The following SYNE2 variants were observed in gnomAD, a reference collection of about 807,000 sequenced individuals.
SYNE2 encodes the protein nesprin-2.
In SYNE2, 431 loss-of-function variants were observed where a neutral mutation model predicts 856.3. The observed-to-expected ratio is 0.50, with a 90% CI of 0.47 to 0.55. The LOEUF (loss-of-function observed/expected upper bound fraction) is 0.55. SYNE2 is among the 20% of genes least tolerant of loss of function. The pLI, the probability that SYNE2 is intolerant of heterozygous loss-of-function variation, is 0.00. For missense variants in SYNE2, 8,129 were observed against 8,023.2 expected (o/e 1.01, Z -0.50); for synonymous variants, 2,923 against 2,872.3 (o/e 1.02, Z -0.56).
rs1251755930 is a variant in SYNE2 at position 64,221,643 on chromosome 14, C to T, written c.20129C>T (p.Ala6710Val). 2 of 1,614,176 alleles carry T rather than the reference C, an allele frequency of 1.2e-6. No individual in the cohort carries two copies. The change falls in exon 112 of 116, where the codon GCT (alanine) becomes GTT (valine). Residue 6710 changes from alanine to valine, a missense_variant. Ala to Val is a moderately conservative substitution (Grantham distance 64). Transcript: ENST00000555002. Reference sequence around the variant, plus strand: ...AGTGCCAAGAACCGGAGGCAGAAGGCTCATGTCACCGATCCAAAGGCAGAC... The same window carrying T: ...AGTGCCAAGAACCGGAGGCAGAAGGTTCATGTCACCGATCCAAAGGCAGAC... Reference protein sequence around the residue: ...LASAKNRRQKAHVTDPKADPR... With the variant: ...LASAKNRRQKVHVTDPKADPR...
upstream of SYNE2, among the ~76,000 whole-genome samples, chr14:63,850,343 C>G (rs960761886): frequency 1.3e-5 from 2 of 151,496 alleles, no homozygotes; most frequent in Non-Finnish European, 2.9e-5. Context: ...CTGCCTCAGC[C>G]GCCCAAAGTG....
In SYNE2 at chr14:64,052,439, A is replaced by G. The variant is rs1368899557; in HGVS notation, c.8526A>G (p.Ile2842Met). The G allele has an allele frequency of 1.2e-6, 2 of 1,613,026 alleles. No individual in the cohort carries two copies. Among genetic ancestry groups the G allele is most frequent in the South Asian group, 1.1e-5 (1 of 90,896 alleles). ...AAGAAAGAAGCAATTTTTTTGCTAT[A>G]ATAAGGAAGTTTCAACTTATGGTTC... ...KLEERSNFFA[I>M]IRKFQLMVQE... is the part of the protein sequence containing the mutation. The change falls in exon 48 of 116, where the codon ATA becomes ATG. Residue 2842 changes from isoleucine (I) to methionine (M), a missense_variant. Around this residue, in one of 3 missense-constraint regions of SYNE2, gnomAD observed 5,410 missense variants for 5,284.8 expected, o/e 1.02. Coordinates refer to ENST00000555002, the MANE Select transcript of SYNE2 (RefSeq NM_182914.3).
intron 2 of SYNE2, among the ~76,000 whole-genome samples, chr14:63,909,557 C>G (rs1042794711): frequency 1.3e-5 from 2 of 152,016 alleles, no homozygotes; most frequent in African/African-American, 4.8e-5. Context: ...AAATGCACAT[C>G]CTTGCCAGGC....
At chr14:63,806,908 T>C (rs2139813615) in intron 1 of SYNE2, among the ~76,000 whole-genome samples, 1 of 151,152 alleles carries the variant, frequency 6.6e-6, no homozygotes, top group South Asian at 2.1e-4. Flanking sequence ...GAATAGAACA[T>C]ATCGCTATGT....
At chr14:63,811,904 A>G (rs1888627254) in intron 1 of SYNE2, among the ~76,000 whole-genome samples, 1 of 152,228 alleles carries the variant, frequency 6.6e-6, no homozygotes, top group Non-Finnish European at 1.5e-5. Flanking sequence ...TCTAAGGCCA[A>G]TAAAGATCAC....
chr14:64,016,352 A>T (rs1180546371), intron 32 of SYNE2, 121 bp from the exon 33 acceptor site: 1 of 660,696 alleles, frequency 1.5e-6, no homozygotes, highest in Non-Finnish European at 2.5e-6. Flanking sequence ...AGAACAATGT[A>T]AGAAGGTATT....
chr14:63,815,948 C>A (rs1425383949), intron 1 of SYNE2, among the ~76,000 whole-genome samples: 1 of 128,924 alleles, frequency 7.8e-6, no homozygotes, highest in African/African-American at 2.9e-5. Context: ...TTAAATTATT[C>A]TTTTTTTTTT....
At chr14:63,903,888 T>G (rs1251367944) in intron 1 of SYNE2, among the ~76,000 whole-genome samples, 1 of 152,006 alleles carries the variant, frequency 6.6e-6, no homozygotes, top group Non-Finnish European at 1.5e-5. Flanking sequence ...AGAGGGCACA[T>G]GTGCAGGTTT....
intron 1 of SYNE2, 40 bp from the exon 2 acceptor site, chr14:63,909,058 T>C: frequency 1.0e-6 from 1 of 974,214 alleles, no homozygotes; most frequent in South Asian, 1.3e-5. Context: ...GAAACAGAGC[T>C]GCAAAGTTAC....
chr14:64,127,536 C>T (rs537751776), intron 73 of SYNE2, among the ~76,000 whole-genome samples: 6 of 152,002 alleles, frequency 3.9e-5, no homozygotes, highest in Admixed American at 1.3e-4. Context: ...AATGGTGGGG[C>T]GGGGGAGGCA....
intron 34 of SYNE2, 67 bp downstream of exon 34, chr14:64,017,823 A>G: frequency 6.7e-7 from 1 of 1,498,008 alleles, no homozygotes; most frequent in Non-Finnish European, 9.3e-7. Context: ...TTTTATGAAT[A>G]TAGTCAACAA....
At chr14:63,875,200 A>G (rs1230853908) in intron 1 of SYNE2, among the ~76,000 whole-genome samples, 1 of 152,148 alleles carries the variant, frequency 6.6e-6, no homozygotes, top group Non-Finnish European at 1.5e-5. Context: ...GGTGTGCATC[A>G]CTTTGCCAAA....
At chr14:64,109,302 G>A (rs1300309265) in intron 65 of SYNE2, among the ~76,000 whole-genome samples, 1 of 151,106 alleles carries the variant, frequency 6.6e-6, no homozygotes, top group African/African-American at 2.4e-5. Flanking sequence ...AGAAAAAGGA[G>A]GATAACAAAA....
At chr14:63,929,210 T>A (rs2095711776) in intron 2 of SYNE2, among the ~76,000 whole-genome samples, 1 of 152,106 alleles carries the variant, frequency 6.6e-6, no homozygotes, top group African/African-American at 2.4e-5. Flanking sequence ...TCTTCCCACC[T>A]CCATCTTCTA....
At chr14:63,861,609 A>G (rs56198209) in intron 1 of SYNE2, among the ~76,000 whole-genome samples, 5,993 of 117,180 alleles carry the variant, frequency 0.051, 159 homozygotes, top group Middle Eastern at 0.12. Context: ...TGGGCAACAT[A>G]GTGAGACCCC....
chr14:64,051,084 C>T (rs1053942253), intron 47 of SYNE2, among the ~76,000 whole-genome samples: 1 of 151,862 alleles, frequency 6.6e-6, no homozygotes, highest in Non-Finnish European at 1.5e-5. Flanking sequence ...CAGTAACAGC[C>T]CTTGAGGAAA....
At chr14:64,201,774 C>T (rs891277656) in intron 99 of SYNE2, among the ~76,000 whole-genome samples, 4 of 152,144 alleles carry the variant, frequency 2.6e-5, no homozygotes, top group Admixed American at 2.0e-4. Flanking sequence ...CTCTCTAGTG[C>T]TCCCAGCTAT....
At chr14:64,217,421 C>G (rs778123760) in intron 108 of SYNE2, among the ~76,000 whole-genome samples, 1 of 152,170 alleles carries the variant, frequency 6.6e-6, no homozygotes, top group Non-Finnish European at 1.5e-5. Flanking sequence ...AGGGCAGCAG[C>G]GAGAGAAATT....
chr14:63,942,235 CTG>C, intron 6 of SYNE2, 92 bp downstream of exon 6: 1 of 799,690 alleles, frequency 1.3e-6, no homozygotes, highest in Non-Finnish European at 2.1e-6. Context: ...AGATTCAGTC[CTG>C]AGCTTCTCCT....
Sources: gnomAD v4.1 joint callset for allele counts (sites outside exome capture counted in the v4.1 genomes callset) on GRCh38, gnomAD v4.1.1 for gene constraint, gnomAD v4.1.1 regional missense constraint, MANE v1.5 for transcripts, NCBI Gene and HGNC (gene_info 2026-07-23, HGNC 2026-07-21) for gene names.